ARHGAP15: variants seen among roughly 807,000 people sequenced by gnomAD.
ARHGAP15 encodes rho GTPase-activating protein 15.
ARHGAP15 carries 51 observed loss-of-function variants against 63.7 expected under a neutral mutation model. The ratio of observed to expected loss-of-function variants is 0.80; its 90% CI spans 0.64 to 1.01. ARHGAP15 has a LOEUF of 1.01. Among genes scored for constraint, ARHGAP15 ranks in the 50% least tolerant of loss-of-function variants. The pLI is 0.00. For synonymous variants in ARHGAP15, 191 were observed against 193.8 expected (o/e 0.99, Z 0.12); for missense variants, 560 against 564.6 (o/e 0.99, Z 0.08).
intron 6 of ARHGAP15, among the ~76,000 whole-genome samples, chr2:143,392,539 T>A (rs1463387369): frequency 6.6e-6 from 1 of 152,188 alleles, no homozygotes; most frequent in Non-Finnish European, 1.5e-5. Flanking sequence ...TATATCCCCT[T>A]AGCTCACAGC....
chr2:143,139,666 A>G (rs1458139239), intron 1 of ARHGAP15, among the ~76,000 whole-genome samples: 3 of 152,154 alleles, frequency 2.0e-5, no homozygotes, highest in African/African-American at 7.2e-5. Flanking sequence ...TCGTAGAAAA[A>G]GGCAGTGAAG....
chr2:143,763,063 CT>C (rs1025529097), intron 13 of ARHGAP15, among the ~76,000 whole-genome samples: 22 of 151,934 alleles, frequency 1.4e-4, no homozygotes, highest in African/African-American at 5.1e-4. Context: ...GCCTATATTT[CT>C]TTTCTACATA....
chr2:143,538,251 G>C (rs1694872523), intron 10 of ARHGAP15, among the ~76,000 whole-genome samples: 1 of 152,186 alleles, frequency 6.6e-6, no homozygotes, highest in Admixed American at 6.5e-5. Context: ...CTTTGCTGAA[G>C]TTGCTTATCA....
At chr2:143,605,928 TG>T (rs1473045277) in intron 11 of ARHGAP15, among the ~76,000 whole-genome samples, 1 of 145,492 alleles carries the variant, frequency 6.9e-6, no homozygotes, top group Non-Finnish European at 1.5e-5. Context: ...TCCAGCTACT[TG>T]GGAAGCTGAG....
At chr2:143,297,586 T>C (rs1298648629) in intron 6 of ARHGAP15, among the ~76,000 whole-genome samples, 1 of 151,992 alleles carries the variant, frequency 6.6e-6, no homozygotes, top group Non-Finnish European at 1.5e-5. Flanking sequence ...GGTGATCTTC[T>C]CTCTTACAGG....
chr2:143,459,995 AAAGT>A (rs796223542), intron 8 of ARHGAP15, among the ~76,000 whole-genome samples: 31 of 152,270 alleles, frequency 2.0e-4, no homozygotes, highest in African/African-American at 7.5e-4. Context: ...ATCCCTGCAT[AAAGT>A]AAGGGCTCAT....
intron 2 of ARHGAP15, among the ~76,000 whole-genome samples, chr2:143,197,405 AT>A (rs1202598417): frequency 6.6e-6 from 1 of 152,010 alleles, no homozygotes; most frequent in East Asian, 1.9e-4. Context: ...TATAAGTACT[AT>A]AACATTTTCT....
chr2:143,686,498 T>A (rs1315735631), intron 12 of ARHGAP15, among the ~76,000 whole-genome samples: 1 of 152,030 alleles, frequency 6.6e-6, no homozygotes, highest in Non-Finnish European at 1.5e-5. Context: ...ACATTTACTT[T>A]TTAGTCTAAT....
At chr2:143,559,361 C>T (rs994577933) in intron 11 of ARHGAP15, among the ~76,000 whole-genome samples, 4 of 152,172 alleles carry the variant, frequency 2.6e-5, no homozygotes. Context: ...CTCATGTTTC[C>T]ATGAGAATTG....
intron 13 of ARHGAP15, among the ~76,000 whole-genome samples, chr2:143,727,479 C>T (rs1685334166): frequency 6.6e-6 from 1 of 152,102 alleles, no homozygotes; most frequent in Non-Finnish European, 1.5e-5. Context: ...GATATTAATG[C>T]ATTTATCTGA....
At chr2:143,289,829 G>T (rs1234072783) in intron 6 of ARHGAP15, among the ~76,000 whole-genome samples, 7 of 152,078 alleles carry the variant, frequency 4.6e-5, no homozygotes, top group Non-Finnish European at 8.8e-5. Flanking sequence ...CAAAAAAAGA[G>T]GAAGAAGAAT....
intron 12 of ARHGAP15, among the ~76,000 whole-genome samples, chr2:143,667,609 G>T (rs76152935): frequency 0.16 from 23,299 of 141,578 alleles, 1,925 homozygotes; most frequent in East Asian, 0.26. Context: ...AAAAAGAAAA[G>T]AAGTGCTCAA....
chr2:143,195,052 A>T (rs914526768), intron 2 of ARHGAP15, among the ~76,000 whole-genome samples: 3 of 152,192 alleles, frequency 2.0e-5, no homozygotes, highest in African/African-American at 7.2e-5. Context: ...TATAAAAAAA[A>T]ATCCACACTT....
chr2:143,283,685 A>G (rs1301879404), intron 6 of ARHGAP15, among the ~76,000 whole-genome samples: 1 of 152,060 alleles, frequency 6.6e-6, no homozygotes, highest in African/African-American at 2.4e-5. Flanking sequence ...TTTGATGCAT[A>G]CCTTTCTTTT....
intron 12 of ARHGAP15, among the ~76,000 whole-genome samples, chr2:143,675,748 A>T (rs748316373): frequency 9.2e-5 from 14 of 152,186 alleles, no homozygotes; most frequent in Non-Finnish European, 1.8e-4. Flanking sequence ...TATGGAACAC[A>T]GGCAGATTAG....
intron 6 of ARHGAP15, among the ~76,000 whole-genome samples, chr2:143,377,995 C>T (rs1165392329): frequency 6.6e-6 from 1 of 151,998 alleles, no homozygotes; most frequent in Non-Finnish European, 1.5e-5. Flanking sequence ...AATGTCATAA[C>T]ACTTAATGAG....
At chr2:143,300,414 C>T (rs1422226192) in intron 6 of ARHGAP15, among the ~76,000 whole-genome samples, 2 of 152,014 alleles carry the variant, frequency 1.3e-5, no homozygotes, top group African/African-American at 2.4e-5. Flanking sequence ...TATCTCTAAG[C>T]ATCCATTTGG....
At chr2:143,696,671 G>A (rs959431810) in intron 12 of ARHGAP15, among the ~76,000 whole-genome samples, 1 of 152,018 alleles carries the variant, frequency 6.6e-6, no homozygotes, top group Non-Finnish European at 1.5e-5. Flanking sequence ...TGACTATAAA[G>A]AGTTGTTCCC....
At chr2:143,174,382 G>T (rs1690925521) in intron 2 of ARHGAP15, among the ~76,000 whole-genome samples, 2 of 152,048 alleles carry the variant, frequency 1.3e-5, no homozygotes, top group South Asian at 4.1e-4. Context: ...TGAGAGCACT[G>T]TGTTCCAACA....
Sources: gnomAD v4.1 joint callset for allele counts (sites outside exome capture counted in the v4.1 genomes callset) on GRCh38, gnomAD v4.1.1 for gene constraint, MANE v1.5 for transcripts, NCBI Gene and HGNC (gene_info 2026-07-23, HGNC 2026-07-21) for gene names.